SGK3: variants seen among roughly 807,000 people sequenced by gnomAD.
SGK3 encodes serum/glucocorticoid regulated kinase family member 3.
SGK3 carries 47 observed loss-of-function variants against 68.5 expected under a neutral mutation model. That is an observed-to-expected ratio of 0.69 (90% confidence interval 0.54 to 0.87). SGK3 has a LOEUF of 0.87. SGK3 is among the 40% of genes least tolerant of loss of function. The pLI, the probability that SGK3 is intolerant of heterozygous loss-of-function variation, is 0.00. For synonymous variants in SGK3, 181 were observed against 189.1 expected, an observed-to-expected ratio of 0.96 and a Z score of 0.35; for missense variants, 479 against 575.5, an observed-to-expected ratio of 0.83 and a Z score of 1.72.
At chr8:66,804,836 C>T (rs1563636876) in intron 4 of SGK3, among the ~76,000 whole-genome samples, 3 of 152,176 alleles carry the variant, frequency 2.0e-5, no homozygotes, top group Admixed American at 6.5e-5. Flanking sequence ...CACCTGTAAT[C>T]GAAACACTTT....
intron 8 of SGK3, 137 bp downstream of exon 8, chr8:66,831,448 T>C: frequency 9.8e-7 from 1 of 1,024,056 alleles, no homozygotes; most frequent in Non-Finnish European, 1.5e-6. Flanking sequence ...CAAGCCATCC[T>C]CCCACCTCAG....
At chr8:66,822,751 T>C (rs763835212) in intron 6 of SGK3, among the ~76,000 whole-genome samples, 1 of 152,196 alleles carries the variant, frequency 6.6e-6, no homozygotes, top group Non-Finnish European at 1.5e-5. Context: ...CCCCAGTAGC[T>C]GGGATTACAG....
intron 16 of SGK3, among the ~76,000 whole-genome samples, chr8:66,855,340 C>G (rs1810470337): frequency 6.6e-6 from 1 of 152,058 alleles, no homozygotes; most frequent in Non-Finnish European, 1.5e-5. Flanking sequence ...GTAGCTGGGA[C>G]TACAGGTGTG....
intron 6 of SGK3, among the ~76,000 whole-genome samples, chr8:66,826,263 G>T (rs1252717490): frequency 2.6e-5 from 4 of 151,934 alleles, no homozygotes; most frequent in Non-Finnish European, 5.9e-5. Context: ...GAGCCACCAC[G>T]CCTGGCCTTC....
At chr8:66,778,437 C>G (rs1806810170) in intron 1 of SGK3, among the ~76,000 whole-genome samples, 1 of 152,198 alleles carries the variant, frequency 6.6e-6, no homozygotes, top group Admixed American at 6.5e-5. Flanking sequence ...GCTGGGACTA[C>G]AGGCGCCCGC....
chr8:66,733,439 T>C (rs1805226007), intron 1 of SGK3, among the ~76,000 whole-genome samples: 1 of 152,198 alleles, frequency 6.6e-6, no homozygotes, highest in African/African-American at 2.4e-5. Flanking sequence ...GTAAATGTGA[T>C]TGTTTTAGTA....
At chr8:66,857,331 T>C (rs1281843755) in intron 16 of SGK3, among the ~76,000 whole-genome samples, 1 of 152,210 alleles carries the variant, frequency 6.6e-6, no homozygotes, top group East Asian at 1.9e-4. Context: ...CCTTTGCTTA[T>C]AATATCCACT....
Position 66,859,741 on chromosome 8 carries a change from A to G in SGK3, c.*160A>G, listed in dbSNP as rs1810683914. ...TGTATTTTCTTCTATGTGCAAGAAA[A>G]ATAGGGCATTTCAAAGAGCTGTTTT... On this transcript the variant is annotated 3_prime_UTR_variant, in exon 17 of 17. Transcript: ENST00000521198. The G allele has an allele frequency of 1.3e-6, 1 of 794,484 alleles. No homozygotes were observed. Among genetic ancestry groups the G allele is most frequent in the Admixed American group, 3.7e-5 (1 of 27,086 alleles). The allele number at this position is 794,484 out of a possible 1,614,324, so 49.2% of individuals were successfully genotyped here.
chr8:66,767,819 C>T, intron 1 of SGK3: 1 of 1,526,794 alleles, frequency 6.5e-7, no homozygotes. Flanking sequence ...GTTCCCAAAG[C>T]CTTTCTGGTA....
chr8:66,859,276 T>A (rs1810663521), intron 16 of SGK3, 135 bp from the exon 17 acceptor site: 1 of 1,093,882 alleles, frequency 9.1e-7, no homozygotes, highest in African/African-American at 1.6e-5. Flanking sequence ...GAGGTTGCAG[T>A]GAGCCAAGAT....
At chr8:66,781,312 A>T (rs1443501720) in intron 1 of SGK3, among the ~76,000 whole-genome samples, 1 of 152,150 alleles carries the variant, frequency 6.6e-6, no homozygotes, top group African/African-American at 2.4e-5. Flanking sequence ...TGGTTGAAGT[A>T]AATTTAGGGC....
chr8:66,850,300 T>C (rs1219398656), intron 15 of SGK3, among the ~76,000 whole-genome samples: 1 of 152,204 alleles, frequency 6.6e-6, no homozygotes, highest in East Asian at 1.9e-4. Context: ...CTGTGGCACC[T>C]TGAAGGAAAA....
intron 6 of SGK3, among the ~76,000 whole-genome samples, chr8:66,826,113 C>T (rs1043706172): frequency 6.6e-6 from 1 of 152,064 alleles, no homozygotes; most frequent in Non-Finnish European, 1.5e-5. Context: ...GCTGGGACTA[C>T]AGGCGCACGC....
At chr8:66,765,521 TG>T (rs1806288534) in intron 1 of SGK3, among the ~76,000 whole-genome samples, 1 of 152,160 alleles carries the variant, frequency 6.6e-6, no homozygotes, top group South Asian at 2.1e-4. Context: ...CTCTTATTTT[TG>T]TTGTTGGTGA....
At chr8:66,744,068 G>T (rs1298016368) in intron 1 of SGK3, among the ~76,000 whole-genome samples, 1 of 152,112 alleles carries the variant, frequency 6.6e-6, no homozygotes. Flanking sequence ...TGTACTTGTG[G>T]TAGATCACAT....
intron 1 of SGK3, among the ~76,000 whole-genome samples, chr8:66,791,715 A>G (rs1433945317): frequency 6.6e-6 from 1 of 152,192 alleles, no homozygotes; most frequent in African/African-American, 2.4e-5. Flanking sequence ...AGGTGTGGAA[A>G]GTGTAGCTCA....
chr8:66,807,886 C>T (rs183029729), intron 4 of SGK3, among the ~76,000 whole-genome samples: 1 of 152,086 alleles, frequency 6.6e-6, no homozygotes, highest in Admixed American at 6.5e-5. Context: ...AAATATTTTT[C>T]CAGTGGAGCT....
intron 1 of SGK3, among the ~76,000 whole-genome samples, chr8:66,728,251 C>T (rs541670539): frequency 6.6e-6 from 1 of 151,732 alleles, no homozygotes; most frequent in South Asian, 2.1e-4. Context: ...AATATATGAT[C>T]TTTTGTGAGT....
chr8:66,718,551 CAA>C (rs1472241506), intron 1 of SGK3, among the ~76,000 whole-genome samples: 2 of 151,394 alleles, frequency 1.3e-5, no homozygotes, highest in African/African-American at 2.4e-5. Flanking sequence ...TTTTTTGAGA[CAA>C]ACTCTCACTG....
Sources: gnomAD v4.1 joint callset for allele counts (sites outside exome capture counted in the v4.1 genomes callset) on GRCh38, gnomAD v4.1.1 for gene constraint, MANE v1.5 for transcripts, NCBI Gene and HGNC (gene_info 2026-07-23, HGNC 2026-07-21) for gene names.